Variants in SPRY3 observed in about 807,000 individuals in gnomAD.
The protein encoded by SPRY3 is protein sprouty homolog 3.
In SPRY3, 15 loss-of-function variants were observed where a neutral mutation model predicts 20.2. The ratio of observed to expected loss-of-function variants is 0.74; its 90% CI spans 0.50 to 1.14. The LOEUF is 1.14. Ranked by LOEUF, SPRY3 falls within the 50% of genes most tolerant of loss-of-function variation. The pLI, the probability that SPRY3 is intolerant of heterozygous loss-of-function variation, is 0.00. For synonymous variants in SPRY3, 143 were observed against 136.5 expected (o/e 1.05, Z -0.33); for missense variants, 364 against 363.9 (o/e 1.00, Z 0.00).
chrX:155,668,032 T>A (rs2068029754), intron 2 of SPRY3, among the ~76,000 whole-genome samples: 1 of 108,408 alleles, frequency 9.2e-6, no homozygotes, highest in Non-Finnish European at 1.9e-5. Flanking sequence ...AACAACTTTT[T>A]AAAAAAAATT....
At chrX:155,662,166 T>C (rs1292273486) in intron 2 of SPRY3, among the ~76,000 whole-genome samples, 1 of 111,579 alleles carries the variant, frequency 9.0e-6, no homozygotes. Flanking sequence ...GGATAAGCTG[T>C]CACTTCTCAT....
chrX:155,665,040 T>A, intron 2 of SPRY3, among the ~76,000 whole-genome samples: 1 of 110,568 alleles, frequency 9.0e-6, no homozygotes, highest in East Asian at 2.8e-4. Context: ...TATAAAGAAT[T>A]TCTATAAACA....
At position 155,767,534 on chromosome X, in the gene SPRY3, G is replaced by C. The variant is rs146260830; in HGVS notation, c.-281-428G>C. Among the ~76,000 whole-genome samples, 1,016 of 151,544 alleles carry C rather than the reference G, an allele frequency of 6.7e-3. 15 individuals carry two copies. The highest frequency in any genetic ancestry group is 0.023 in the African/African-American group (956 of 41,264). On this transcript the variant is annotated intron_variant, in intron 2 of 3. Transcript: ENST00000675360. Reference sequence around the variant, plus strand: ...ATTGGAGGAGAGGGAGACCAAGGTGGAGGCGGAGGCGGAGGCGAAAGAGGA... The same window carrying C: ...ATTGGAGGAGAGGGAGACCAAGGTGCAGGCGGAGGCGGAGGCGAAAGAGGA...
Position 155,630,020 on chromosome X carries a change from A to G in SPRY3, c.-441+17373A>G, listed in dbSNP as rs969727598. ...ATAGTTTCATTCTGTTAGGCTTACAAAAAACATCATATAGTTATAACAGGT... is the reference window on the plus strand; with the variant it reads ...ATAGTTTCATTCTGTTAGGCTTACAGAAAACATCATATAGTTATAACAGGT... On this transcript the variant is annotated intron_variant, in intron 1 of 3. Transcript: ENST00000675360. Among the ~76,000 whole-genome samples, 93 of 111,940 alleles carry G rather than the reference A, an allele frequency of 8.3e-4. 2 individuals are homozygous for G. The highest frequency in any genetic ancestry group is 2.6e-4 in the Non-Finnish European group (14 of 53,216).
chrX:155,679,764 G>A (rs1359085811), intron 2 of SPRY3, among the ~76,000 whole-genome samples: 1 of 111,650 alleles, frequency 9.0e-6, no homozygotes, highest in East Asian at 2.8e-4. Flanking sequence ...AAAATACAGA[G>A]AGCTATGAGA....
intron 2 of SPRY3, among the ~76,000 whole-genome samples, chrX:155,722,743 A>G (rs1349419504): frequency 6.6e-6 from 1 of 152,070 alleles, no homozygotes; most frequent in East Asian, 1.9e-4. Flanking sequence ...CTGAATGGAT[A>G]AAAAAAGTAA....
At chrX:155,648,225 A>G (rs1476446577) in intron 1 of SPRY3, among the ~76,000 whole-genome samples, 3 of 112,351 alleles carry the variant, frequency 2.7e-5, no homozygotes, top group East Asian at 5.6e-4. Context: ...ATAGATTGCA[A>G]ACATTTTCTC....
chrX:155,706,099 G>A (rs1452113746), intron 2 of SPRY3, among the ~76,000 whole-genome samples: 2 of 151,212 alleles, frequency 1.3e-5, no homozygotes, highest in Non-Finnish European at 3.0e-5. Flanking sequence ...CACCAATGTA[G>A]ACCATACTTA....
At chrX:155,692,172 ATGGGTACAGCTTT>A (rs2068104176) in intron 2 of SPRY3, among the ~76,000 whole-genome samples, 17 of 109,257 alleles carry the variant, frequency 1.6e-4, no homozygotes, top group African/African-American at 4.5e-4. Flanking sequence ...GGAATAGTAA[ATGGGTACAGCTTT>A]ATATTTTACA....
chrX:155,708,005 T>G (rs1352117611), intron 2 of SPRY3, among the ~76,000 whole-genome samples: 2 of 151,348 alleles, frequency 1.3e-5, no homozygotes, highest in African/African-American at 4.8e-5. Context: ...TACTAGCTCC[T>G]TTTTAGTTGA....
At chrX:155,707,010 A>G (rs2090956322) in intron 2 of SPRY3, among the ~76,000 whole-genome samples, 1 of 150,356 alleles carries the variant, frequency 6.7e-6, no homozygotes, top group Non-Finnish European at 1.5e-5. Flanking sequence ...CTCTGATTTT[A>G]TTTCTTTTCT....
At chrX:155,673,262 C>A (rs1370311389) in intron 2 of SPRY3, among the ~76,000 whole-genome samples, 4 of 107,941 alleles carry the variant, frequency 3.7e-5, no homozygotes, top group Non-Finnish European at 5.8e-5. Flanking sequence ...AAAAAAAAAA[C>A]CTTAAGACAG....
At chrX:155,767,928 T>C (rs893369149) in intron 2 of SPRY3, 34 bp from the exon 2 acceptor site, 3 of 154,182 alleles carry the variant, frequency 1.9e-5, no homozygotes, top group Non-Finnish European at 2.9e-5. Context: ...TGTTTTGTTT[T>C]GTTTTGTTTT....
intron 2 of SPRY3, among the ~76,000 whole-genome samples, chrX:155,749,520 A>C (rs28725321): frequency 0.11 from 16,505 of 151,798 alleles, 1,882 homozygotes; most frequent in African/African-American, 0.29. Context: ...CAAGAGAAAA[A>C]TATTCTGAGC....
chrX:155,657,186 A>T (rs950543831), intron 2 of SPRY3, among the ~76,000 whole-genome samples: 1 of 111,537 alleles, frequency 9.0e-6, no homozygotes, highest in Non-Finnish European at 1.9e-5. Flanking sequence ...GGCAGGCGGG[A>T]ATGTTTAAGT....
chrX:155,726,497 G>A (rs1386474005), intron 2 of SPRY3, among the ~76,000 whole-genome samples: 1 of 152,110 alleles, frequency 6.6e-6, no homozygotes, highest in Non-Finnish European at 1.5e-5. Flanking sequence ...ATGAGTCTGG[G>A]TGCTCCTGTA....
intron 2 of SPRY3, among the ~76,000 whole-genome samples, chrX:155,721,651 T>C (rs959134219): frequency 2.6e-5 from 4 of 151,816 alleles, no homozygotes; most frequent in Non-Finnish European, 5.9e-5. Context: ...TGGCATGATA[T>C]ATTTAAAGAG....
chrX:155,767,199 A>G (rs2091337125), intron 2 of SPRY3, among the ~76,000 whole-genome samples: 1 of 152,028 alleles, frequency 6.6e-6, no homozygotes, highest in African/African-American at 2.4e-5. Context: ...TAAGAGCTAC[A>G]GCTCCGGGAA....
chrX:155,697,522 C>CACACACATATAT (rs750002413), intron 2 of SPRY3, among the ~76,000 whole-genome samples: 11 of 99,346 alleles, frequency 1.1e-4, no homozygotes, highest in East Asian at 3.1e-4. Flanking sequence ...CACACACACA[C>CACACACATATAT]ATATATATAT....
Sources: gnomAD v4.1 joint callset for allele counts (sites outside exome capture counted in the v4.1 genomes callset) on GRCh38, gnomAD v4.1.1 for gene constraint, MANE v1.5 for transcripts, NCBI Gene and HGNC (gene_info 2026-07-23, HGNC 2026-07-21) for gene names.